The following ZNF730 variants were observed in gnomAD, a reference collection of about 807,000 sequenced individuals.
ZNF730 encodes the protein zinc finger protein 730.
ZNF730 carries 12 observed loss-of-function variants against 12.6 expected under a neutral mutation model. The observed-to-expected ratio is 0.95, with a 90% CI of 0.61 to 1.54. The LOEUF (loss-of-function observed/expected upper bound fraction) is 1.54, where lower values mean the gene tolerates loss of function less well. Ranked by LOEUF, ZNF730 falls within the 40% of genes most tolerant of loss-of-function variation. ZNF730 has a pLI of 0.00. For missense variants in ZNF730, 643 were observed against 583.5 expected (o/e 1.10, Z -1.05); for synonymous variants, 194 against 195.8 (o/e 0.99, Z 0.08).
chr19:23,125,631 G>A (rs1176117217), intron 1 of ZNF730: 2 of 152,214 alleles, frequency 1.3e-5, no homozygotes, highest in Non-Finnish European at 2.9e-5. Flanking sequence ...GCAGGTCTCT[G>A]TTGAGCCATG....
At chr19:23,134,814 CG>C (rs1970803302) in intron 2 of ZNF730, among the ~76,000 whole-genome samples, 1 of 132,216 alleles carries the variant, frequency 7.6e-6, no homozygotes, top group African/African-American at 2.9e-5. Context: ...ATTGAGAAAT[CG>C]GATGGTTGCC....
At chr19:23,085,147 T>A (rs1366550197) in intron 1 of ZNF730, among the ~76,000 whole-genome samples, 1 of 152,184 alleles carries the variant, frequency 6.6e-6, no homozygotes, top group East Asian at 1.9e-4. Context: ...TTTTTTAAAA[T>A]AGCCATTCTG....
chr19:23,108,893 G>A (rs1970426834), intron 1 of ZNF730, among the ~76,000 whole-genome samples: 1 of 152,078 alleles, frequency 6.6e-6, no homozygotes, highest in African/African-American at 2.4e-5. Context: ...GGGATTACAG[G>A]TGTGTGCCAC....
intron 1 of ZNF730, chr19:23,128,133 T>C: frequency 1.1e-6 from 1 of 912,952 alleles, no homozygotes; most frequent in Non-Finnish European, 1.8e-6. Flanking sequence ...GAACTACCAC[T>C]GGCAATAAAG....
At chr19:23,127,512 G>T in intron 1 of ZNF730, 1 of 951,638 alleles carries the variant, frequency 1.1e-6, no homozygotes, top group Non-Finnish European at 1.7e-6. Flanking sequence ...GCTCTTGGTG[G>T]TGCTGGTGGA....
rs769200336 is a variant in ZNF730 at position 23,146,031 on chromosome 19, A to C, written c.987A>C (p.Lys329Asn). 3.7e-6 allele frequency: 6 copies of C among 1,610,280 alleles called. No homozygotes were observed. Among genetic ancestry groups the C allele is most frequent in the Non-Finnish European group, 4.2e-6 (5 of 1,178,930 alleles). ...KAFKWSSTLT[K>N]HKRIHNGEKP... ...TTAAGTGGTCCTCAACCCTTACAAA[A>C]CATAAAAGAATTCATAATGGAGAAA... Residue 329 changes from lysine to asparagine, a missense_variant, in exon 4 of 4, where the codon AAA becomes AAC. Lys to Asn is a moderately conservative substitution (Grantham distance 94). Coordinates refer to ENST00000597761, the MANE Select transcript of ZNF730 (RefSeq NM_001277403.2).
intron 1 of ZNF730, among the ~76,000 whole-genome samples, chr19:23,078,574 A>G (rs1969907977): frequency 6.6e-6 from 1 of 152,166 alleles, no homozygotes; most frequent in Admixed American, 6.5e-5. Flanking sequence ...TTGAGATGGT[A>G]GAGATAATGA....
chr19:23,145,852 A>G lies in ZNF730; in HGVS notation c.808A>G (p.Asn270Asp). The change falls in exon 4 of 4, where the codon AAC becomes GAC. Residue 270 changes from asparagine to aspartate, a missense_variant. By Grantham distance (23) the Asn-to-Asp change is conservative. Coordinates refer to ENST00000597761, the MANE Select transcript of ZNF730 (RefSeq NM_001277403.2). ...KCGKFFNQST[N>D]LTTHKRIHTG... Reference sequence around the variant, plus strand: ...TGGCAAATTTTTTAACCAATCCACAAACCTTACTACACATAAAAGAATTCA... The same window carrying G: ...TGGCAAATTTTTTAACCAATCCACAGACCTTACTACACATAAAAGAATTCA... The G allele has an allele frequency of 6.2e-7, 1 of 1,607,708 alleles. No homozygotes were observed. Among genetic ancestry groups the G allele is most frequent in the Non-Finnish European group, 8.5e-7 (1 of 1,178,376 alleles).
At chr19:23,145,086 C>G (rs1970982757) in intron 3 of ZNF730, among the ~76,000 whole-genome samples, 185 bp from the exon 4 acceptor site, 1 of 152,146 alleles carries the variant, frequency 6.6e-6, no homozygotes, top group Non-Finnish European at 1.5e-5. Flanking sequence ...ACTGTACACA[C>G]TCAACTTACT....
At position 23,106,584 on chromosome 19, in the gene ZNF730, G is replaced by C. The variant is rs141856267; in HGVS notation, c.-93-27496G>C. ...AGGCAGGTGGATCACCTGAGGTCGAGAATTTGAGACTAGCCTGACCAACAT... is the reference window on the plus strand; with the variant it reads ...AGGCAGGTGGATCACCTGAGGTCGACAATTTGAGACTAGCCTGACCAACAT... On this transcript the variant is annotated intron_variant, in intron 1 of 2. Coordinates refer to the ZNF730 transcript ENST00000593635. Among the ~76,000 whole-genome samples the C allele has an allele frequency of 6.1e-4, 93 of 152,092 alleles. No homozygotes were observed. The East Asian group carries it at 0.013, about 21-fold the overall frequency.
At chr19:23,128,464 A>G (rs961391075) in intron 1 of ZNF730, 3 of 335,750 alleles carry the variant, frequency 8.9e-6, no homozygotes, top group African/African-American at 6.4e-5. Context: ...CCATCCCAAA[A>G]TGTCCCTTGC....
intron 1 of ZNF730, among the ~76,000 whole-genome samples, chr19:23,129,925 C>A (rs1429382458): frequency 6.8e-6 from 1 of 147,324 alleles, no homozygotes; most frequent in Non-Finnish European, 1.5e-5. Flanking sequence ...ACCCGGAAGG[C>A]AGAGCTTGCA....
At chr19:23,119,986 T>C (rs1970579107) in intron 1 of ZNF730, among the ~76,000 whole-genome samples, 1 of 151,454 alleles carries the variant, frequency 6.6e-6, no homozygotes, top group South Asian at 2.1e-4. Flanking sequence ...TGGACTCACT[T>C]TCTTTCTTTT....
chr19:23,102,544 G>A (rs1236956276), intron 1 of ZNF730, among the ~76,000 whole-genome samples: 2 of 151,462 alleles, frequency 1.3e-5, no homozygotes, highest in African/African-American at 4.9e-5. Context: ...CGCCCAGGCT[G>A]GAGTGCAGTG....
At chr19:23,118,634 T>C (rs1192384353) in intron 1 of ZNF730, among the ~76,000 whole-genome samples, 1 of 152,188 alleles carries the variant, frequency 6.6e-6, no homozygotes, top group African/African-American at 2.4e-5. Flanking sequence ...AGCTAACCAC[T>C]TCAGACATTA....
chr19:23,127,398 A>T, intron 1 of ZNF730: 1 of 898,308 alleles, frequency 1.1e-6, no homozygotes, highest in East Asian at 2.6e-5. Flanking sequence ...ATTCCCAAAT[A>T]TTCAGCTTCC....
At chr19:23,102,162 T>C (rs1970342562) in intron 1 of ZNF730, among the ~76,000 whole-genome samples, 1 of 152,202 alleles carries the variant, frequency 6.6e-6, no homozygotes, top group Admixed American at 6.5e-5. Flanking sequence ...TTGTGACTTA[T>C]CACTAGGCCC....
At chr19:23,090,046 G>A (rs1336503773) in intron 1 of ZNF730, among the ~76,000 whole-genome samples, 1 of 152,172 alleles carries the variant, frequency 6.6e-6, no homozygotes, top group African/African-American at 2.4e-5. Context: ...AAGAGATCAA[G>A]ACTATCCTGG....
upstream of ZNF730, among the ~76,000 whole-genome samples, chr19:23,116,419 T>A (rs867947312): frequency 6.6e-6 from 1 of 151,446 alleles, no homozygotes; most frequent in African/African-American, 2.4e-5. Context: ...CTTCCTCCTT[T>A]CCTTCCTTCC....
Sources: gnomAD v4.1 joint callset for allele counts (sites outside exome capture counted in the v4.1 genomes callset) on GRCh38, gnomAD v4.1.1 for gene constraint, MANE v1.5 for transcripts, NCBI Gene and HGNC (gene_info 2026-07-23, HGNC 2026-07-21) for gene names.